The following MACROD2 variants were observed in gnomAD, a reference collection of about 807,000 sequenced individuals.
MACROD2 encodes the protein mono-ADP ribosylhydrolase 2.
In MACROD2, 36 loss-of-function variants were observed where a neutral mutation model predicts 70.4. That is an observed-to-expected ratio of 0.51 (90% CI 0.39 to 0.68). MACROD2 has a LOEUF of 0.68. MACROD2 is among the 30% of genes least tolerant of loss of function. The pLI is 0.00. For synonymous variants in MACROD2, 172 were observed against 178.8 expected, an observed-to-expected ratio of 0.96 and a Z score of 0.30; for missense variants, 496 against 538.4, an observed-to-expected ratio of 0.92 and a Z score of 0.78.
chr20:14,237,560 AC>A (rs2081888467), intron 3 of MACROD2, among the ~76,000 whole-genome samples: 1 of 151,202 alleles, frequency 6.6e-6, no homozygotes, highest in Non-Finnish European at 1.5e-5. Context: ...TTATTATTAT[AC>A]TTTAAGTTTT....
At chr20:14,527,453 C>T (rs1474105863) in intron 4 of MACROD2, among the ~76,000 whole-genome samples, 3 of 152,126 alleles carry the variant, frequency 2.0e-5, no homozygotes, top group African/African-American at 7.2e-5. Flanking sequence ...CCACTCTCTT[C>T]CCTTCCCAGC....
intron 3 of MACROD2, among the ~76,000 whole-genome samples, chr20:14,177,112 C>T (rs1045421277): frequency 6.6e-6 from 1 of 152,074 alleles, no homozygotes; most frequent in Admixed American, 6.5e-5. Context: ...CATTAGTGTA[C>T]AAACTTAATG....
intron 3 of MACROD2, among the ~76,000 whole-genome samples, chr20:14,468,136 C>T (rs6110301): frequency 0.012 from 1,862 of 152,006 alleles, 54 homozygotes; most frequent in African/African-American, 0.043. Flanking sequence ...CTGCTTGGTC[C>T]GGAGCTGAGT....
At chr20:15,081,549 T>C (rs1286875654) in intron 5 of MACROD2, among the ~76,000 whole-genome samples, 1 of 152,136 alleles carries the variant, frequency 6.6e-6, no homozygotes, top group Non-Finnish European at 1.5e-5. Context: ...GTTAATTGTA[T>C]AAATCTGGGT....
intron 3 of MACROD2, among the ~76,000 whole-genome samples, chr20:14,451,861 A>T (rs1199812908): frequency 6.6e-6 from 1 of 152,176 alleles, no homozygotes; most frequent in Admixed American, 6.5e-5. Context: ...CTGACATTTC[A>T]GAGTTTCTGT....
intron 8 of MACROD2, among the ~76,000 whole-genome samples, chr20:15,581,392 T>C (rs990752117): frequency 1.2e-4 from 18 of 152,222 alleles, no homozygotes; most frequent in African/African-American, 3.6e-4. Context: ...ATTTGACCTC[T>C]CTTGATGAAA....
At chr20:15,439,297 C>T (rs146966311) in intron 7 of MACROD2, among the ~76,000 whole-genome samples, 1 of 152,212 alleles carries the variant, frequency 6.6e-6, no homozygotes, top group African/African-American at 2.4e-5. Context: ...AGATTTATGC[C>T]CCAAAAGTCC....
intron 5 of MACROD2, among the ~76,000 whole-genome samples, chr20:14,789,772 G>A (rs1245499737): frequency 6.6e-6 from 1 of 151,678 alleles, no homozygotes; most frequent in Non-Finnish European, 1.5e-5. Flanking sequence ...CACTGCACCC[G>A]GCCAGGTCCT....
chr20:15,107,328 C>G (rs960614071), intron 5 of MACROD2, among the ~76,000 whole-genome samples: 1 of 151,592 alleles, frequency 6.6e-6, no homozygotes, highest in African/African-American at 2.4e-5. Context: ...TAATTTAGTT[C>G]TAGGAAGCTG....
chr20:15,799,427 C>A (rs1429640078), intron 8 of MACROD2, among the ~76,000 whole-genome samples: 1 of 152,080 alleles, frequency 6.6e-6, no homozygotes, highest in African/African-American at 2.4e-5. Context: ...ACCCATTAAC[C>A]AACCTCCCTT....
At chr20:15,972,847 T>C (rs2066252085) in intron 13 of MACROD2, among the ~76,000 whole-genome samples, 1 of 150,324 alleles carries the variant, frequency 6.7e-6, no homozygotes, top group Non-Finnish European at 1.5e-5. Flanking sequence ...AAATAAAAGG[T>C]CCCAATGGAA....
At chr20:15,809,526 C>A (rs554192315) in intron 8 of MACROD2, among the ~76,000 whole-genome samples, 10 of 152,256 alleles carry the variant, frequency 6.6e-5, no homozygotes, top group South Asian at 2.1e-4. Flanking sequence ...GATTACATGA[C>A]AAAAGGAGAA....
intron 8 of MACROD2, among the ~76,000 whole-genome samples, chr20:15,537,154 G>A (rs2047887150): frequency 6.6e-6 from 1 of 152,106 alleles, no homozygotes; most frequent in Non-Finnish European, 1.5e-5. Flanking sequence ...TTGTGGTAGT[G>A]AATAAGTCTC....
At chr20:14,806,441 C>G (rs992391601) in intron 5 of MACROD2, among the ~76,000 whole-genome samples, 3 of 152,056 alleles carry the variant, frequency 2.0e-5, no homozygotes, top group Non-Finnish European at 2.9e-5. Context: ...TCTTCACAAC[C>G]CACAGACCAG....
intron 4 of MACROD2, among the ~76,000 whole-genome samples, chr20:14,531,121 G>A (rs2123206388): frequency 6.6e-6 from 1 of 152,274 alleles, no homozygotes; most frequent in Middle Eastern, 3.4e-3. Context: ...AGGAGGGATG[G>A]AAAGAACTTG....
intron 8 of MACROD2, among the ~76,000 whole-genome samples, chr20:15,593,105 A>G (rs568039577): frequency 9.8e-5 from 15 of 152,324 alleles, no homozygotes; most frequent in African/African-American, 2.9e-4. Context: ...CTGGTATCCT[A>G]GGAGTAATTA....
chr20:15,277,417 G>A (rs1409621561), intron 6 of MACROD2, among the ~76,000 whole-genome samples: 3 of 152,206 alleles, frequency 2.0e-5, no homozygotes, highest in Middle Eastern at 3.2e-3. Flanking sequence ...CTTGAATAAT[G>A]TAGGGGATGG....
At chr20:14,422,467 C>CT (rs1220015521) in intron 3 of MACROD2, among the ~76,000 whole-genome samples, 2 of 151,964 alleles carry the variant, frequency 1.3e-5, no homozygotes, top group Non-Finnish European at 2.9e-5. Context: ...TTTCTTATAG[C>CT]TTTTTTGTTG....
chr20:14,192,026 T>A (rs1451693092), intron 3 of MACROD2, among the ~76,000 whole-genome samples: 2 of 152,126 alleles, frequency 1.3e-5, no homozygotes, highest in African/African-American at 4.8e-5. Flanking sequence ...GATTAAGCTA[T>A]TGGTTGTAAT....
Sources: allele counts gnomAD v4.1 joint callset (sites outside exome capture counted in the v4.1 genomes callset), GRCh38; gene constraint gnomAD v4.1.1; transcripts MANE v1.5; gene names NCBI Gene and HGNC (gene_info 2026-07-23, HGNC 2026-07-21).